The following PRELID2 variants were observed in gnomAD, a reference collection of about 807,000 sequenced individuals.
PRELID2 encodes the protein PRELI domain containing 2, also known as PRELI domain-containing protein 2.
In PRELID2, 25 loss-of-function variants were observed where a neutral mutation model predicts 28.4. The ratio of observed to expected loss-of-function variants is 0.88; its 90% confidence interval spans 0.64 to 1.23. The LOEUF is 1.23. Among genes scored for constraint, PRELID2 ranks in the 50% most tolerant of loss-of-function variants. PRELID2 has a pLI of 0.00. For synonymous variants in PRELID2, 76 were observed against 71.6 expected, an observed-to-expected ratio of 1.06 and a Z score of -0.31; for missense variants, 201 against 214.4, an observed-to-expected ratio of 0.94 and a Z score of 0.39.
At chr5:145,350,090 CT>C in the PRELID2 span, among the ~76,000 whole-genome samples, 1 of 152,134 alleles carries the variant, frequency 6.6e-6, no homozygotes, top group South Asian at 2.1e-4. Flanking sequence ...ATTTGTAATG[CT>C]GGACAAATTA....
chr5:145,229,887 G>T, the PRELID2 span: 4 of 751,652 alleles, frequency 5.3e-6, 1 homozygote, highest in South Asian at 5.5e-5. Flanking sequence ...CAAGGGCCAG[G>T]TGTACATCCT....
chr5:145,797,937 C>T lies in PRELID2; in HGVS notation c.369-1390G>A, dbSNP rs1752878138. Among the ~76,000 whole-genome samples, 4 of 151,908 alleles carry T rather than the reference C, an allele frequency of 2.6e-5. No individual in the cohort carries two copies. The South Asian group carries it at 8.3e-4, about 32-fold the overall frequency. On this transcript the variant is annotated intron_variant, in intron 4 of 6. Coordinates refer to ENST00000683046, the MANE Select transcript of PRELID2 (RefSeq NM_205846.3). ...AACTTGAAATAACCATCTTAAAATG[C>T]TCCATGAACTAAAATAGACAACTAA...
the PRELID2 span, among the ~76,000 whole-genome samples, chr5:145,379,637 C>T: frequency 0.025 from 3,739 of 152,106 alleles, 54 homozygotes; most frequent in South Asian, 0.044. Context: ...GAATTTGGAG[C>T]GGGGAGCAGG....
intron 1 of PRELID2, among the ~76,000 whole-genome samples, chr5:145,696,355 G>T (rs181880707): frequency 1.2e-4 from 18 of 151,970 alleles, no homozygotes; most frequent in Admixed American, 4.6e-4. Context: ...AGGAATTATG[G>T]TCCCTTCCAA....
the PRELID2 span, among the ~76,000 whole-genome samples, chr5:145,409,657 T>C: frequency 6.7e-6 from 1 of 149,990 alleles, no homozygotes; most frequent in South Asian, 2.1e-4. Flanking sequence ...CTCATGCCTG[T>C]AATCCCAGCA....
intron 4 of PRELID2, among the ~76,000 whole-genome samples, chr5:145,802,565 A>G (rs139424208): frequency 6.6e-6 from 1 of 152,322 alleles, no homozygotes; most frequent in East Asian, 1.9e-4. Context: ...TGTCATGGAA[A>G]ATGAACCAGA....
At chr5:145,269,241 G>A in the PRELID2 span, among the ~76,000 whole-genome samples, 3,037 of 152,016 alleles carry the variant, frequency 0.02, 93 homozygotes, top group African/African-American at 0.067. Context: ...TAAGACATGC[G>A]GAGATTTACT....
chr5:145,704,668 G>A (rs1026227200), intron 1 of PRELID2, among the ~76,000 whole-genome samples: 7 of 152,134 alleles, frequency 4.6e-5, no homozygotes, highest in African/African-American at 9.7e-5. Flanking sequence ...ATAGTTTTCC[G>A]CAGGAGCCAT....
chr5:145,387,919 C>G, the PRELID2 span, among the ~76,000 whole-genome samples: 3 of 148,688 alleles, frequency 2.0e-5, no homozygotes, highest in African/African-American at 7.5e-5. Context: ...GAGAAAGACC[C>G]TGTCTCAAGA....
In PRELID2 at chr5:145,786,288, G is replaced by A. The variant is rs117128870; in HGVS notation, c.474+10154C>T. ...TGTGCCTCCTGGTATTTATGCCCCT[G>A]TGTAATCTCCTTTTTAGTGTGGGCT... is the stretch of plus-strand genomic sequence containing the variant. On this transcript the variant is annotated intron_variant, in intron 5 of 6. Coordinates refer to ENST00000683046, the MANE Select transcript of PRELID2 (RefSeq NM_205846.3). 5.5e-3 allele frequency among the ~76,000 whole-genome samples: 830 copies of A among 152,284 alleles called. 5 individuals carry two copies. Among genetic ancestry groups the A allele is most frequent in the East Asian group, 0.017 (88 of 5,182 alleles).
chr5:145,354,296 C>G, the PRELID2 span, among the ~76,000 whole-genome samples: 1 of 152,208 alleles, frequency 6.6e-6, no homozygotes, highest in Non-Finnish European at 1.5e-5. Flanking sequence ...ATAATATGAA[C>G]CATATTTTGT....
At chr5:145,265,570 A>G in the PRELID2 span, among the ~76,000 whole-genome samples, 5 of 152,270 alleles carry the variant, frequency 3.3e-5, no homozygotes, top group East Asian at 9.7e-4. Context: ...TTCAAACTAT[A>G]CTGTAAGTCC....
chr5:145,307,485 A>T, the PRELID2 span, among the ~76,000 whole-genome samples: 2 of 152,178 alleles, frequency 1.3e-5, no homozygotes, highest in Non-Finnish European at 2.9e-5. Context: ...TCAACATGTC[A>T]ATCCTAACCC....
chr5:145,768,240 AAAAAAG>A (rs1757892812), intron 5 of PRELID2, among the ~76,000 whole-genome samples: 1 of 151,464 alleles, frequency 6.6e-6, no homozygotes, highest in African/African-American at 2.4e-5. Context: ...AAAAAAAAAA[AAAAAAG>A]AATTAGGGGA....
chr5:145,467,989 C>T (rs2126601336), downstream of PRELID2, among the ~76,000 whole-genome samples: 1 of 151,996 alleles, frequency 6.6e-6, no homozygotes. Context: ...TATATGTATA[C>T]ATGTGCCATG....
At chr5:145,301,305 T>C in the PRELID2 span, among the ~76,000 whole-genome samples, 1 of 152,180 alleles carries the variant, frequency 6.6e-6, no homozygotes, top group Non-Finnish European at 1.5e-5. Flanking sequence ...ATGAATGAAA[T>C]ACATTCATGT....
intron 1 of PRELID2, among the ~76,000 whole-genome samples, chr5:145,624,406 C>A (rs542521699): frequency 1.3e-5 from 2 of 152,264 alleles, no homozygotes; most frequent in African/African-American, 4.8e-5. Flanking sequence ...GCAAGCAGCC[C>A]CTATCCTGAA....
At chr5:145,736,481 T>C (rs1756500135) in intron 1 of PRELID2, among the ~76,000 whole-genome samples, 4 of 152,216 alleles carry the variant, frequency 2.6e-5, no homozygotes, top group Admixed American at 2.6e-4. Flanking sequence ...CTTAAGATTA[T>C]ATAAAATTAG....
chr5:145,734,192 T>C (rs1032916401), intron 1 of PRELID2, among the ~76,000 whole-genome samples: 5 of 152,162 alleles, frequency 3.3e-5, no homozygotes, highest in African/African-American at 1.2e-4. Flanking sequence ...CATAACTCAC[T>C]GCAGCCTTGA....
Sources: gnomAD v4.1 joint callset for allele counts (sites outside exome capture counted in the v4.1 genomes callset) on GRCh38, gnomAD v4.1.1 for gene constraint, MANE v1.5 for transcripts, NCBI Gene and HGNC (gene_info 2026-07-23, HGNC 2026-07-21) for gene names.